The following FBN2 variants were observed in gnomAD, a reference collection of about 807,000 sequenced individuals.
FBN2 encodes fibrillin 2.
Under a neutral mutation model 355.6 loss-of-function variants are expected in FBN2, and 105 were observed. The ratio of observed to expected loss-of-function variants is 0.30; its 90% CI spans 0.25 to 0.35. The LOEUF is 0.35. Ranked by LOEUF, FBN2 falls within the 10% of genes least tolerant of loss-of-function variation. FBN2 has a pLI of 1.00. For synonymous variants in FBN2, 1,350 were observed against 1,301.2 expected (o/e 1.04, Z -0.81); for missense variants, 3,280 against 3,758.7 (o/e 0.87, Z 3.33).
intron 7 of FBN2, among the ~76,000 whole-genome samples, chr5:128,412,283 G>C (rs1753089472): frequency 6.6e-6 from 1 of 152,170 alleles, no homozygotes; most frequent in African/African-American, 2.4e-5. Flanking sequence ...ATTTTGACTT[G>C]AGCTGCCTTC....
chr5:128,276,003 A>G (rs1157257330), intron 59 of FBN2, 35 bp downstream of exon 59: 5 of 1,610,230 alleles, frequency 3.1e-6, no homozygotes, highest in Non-Finnish European at 4.2e-6. Flanking sequence ...AAAGATACAG[A>G]CTAGGGTCAC....
chr5:128,515,708 C>A (rs751796328), intron 5 of FBN2, among the ~76,000 whole-genome samples: 2 of 152,132 alleles, frequency 1.3e-5, no homozygotes, highest in African/African-American at 2.4e-5. Context: ...TTTAATTCCA[C>A]TGAAGATGCA....
At chr5:128,371,453 T>G (rs2126950452) in intron 15 of FBN2, among the ~76,000 whole-genome samples, 1 of 148,004 alleles carries the variant, frequency 6.8e-6, no homozygotes. Flanking sequence ...TCTTTCTCTT[T>G]TTCTCCTTCC....
chr5:128,393,426 G>A lies in FBN2; in HGVS notation c.1232-58C>T, dbSNP rs915308698. The A allele has an allele frequency of 3.9e-5, 57 of 1,452,480 alleles. No homozygotes were observed. In the African/African-American group the frequency reaches 6.5e-4, roughly 17 times the overall value. The allele number at this position is 1,452,480 out of a possible 1,614,324, so 90.0% of individuals were successfully genotyped here. ...GTGAATGTCTTTCTGCATAACAAAA[G>A]CCATTGGTACACTGTACTAAGTCAC... On this transcript the variant is annotated intron_variant, in intron 9 of 64. Transcript: ENST00000262464.
chr5:128,326,110 C>T (rs772977873), intron 34 of FBN2, among the ~76,000 whole-genome samples: 2 of 152,108 alleles, frequency 1.3e-5, no homozygotes, highest in African/African-American at 2.4e-5. Context: ...TGCATAGTTG[C>T]TACTGTTTTT....
chr5:128,365,071 A>T, intron 17 of FBN2: 2 of 230,226 alleles, frequency 8.7e-6, no homozygotes, highest in South Asian at 1.2e-4. Context: ...AGATATTGTA[A>T]TCATCTAACT....
intron 5 of FBN2, among the ~76,000 whole-genome samples, chr5:128,466,264 A>G (rs189473357): frequency 8.3e-4 from 127 of 152,326 alleles, no homozygotes; most frequent in Non-Finnish European, 1.5e-3. Context: ...GATTATGTCA[A>G]TACAGTTTAT....
chr5:128,524,802 C>T (rs1756520929), intron 4 of FBN2, among the ~76,000 whole-genome samples: 1 of 152,080 alleles, frequency 6.6e-6, no homozygotes, highest in Non-Finnish European at 1.5e-5. Flanking sequence ...TTTGCTTCCC[C>T]TATATGTTCT....
chr5:128,536,340 AG>A, intron 2 of FBN2, 61 bp downstream of exon 2: 2 of 1,284,800 alleles, frequency 1.6e-6, no homozygotes, highest in Non-Finnish European at 1.1e-6. Context: ...TGAGTGCAAG[AG>A]GTCGGCCGGA....
At chr5:128,424,067 T>C (rs2127020388) in intron 7 of FBN2, among the ~76,000 whole-genome samples, 1 of 152,184 alleles carries the variant, frequency 6.6e-6, no homozygotes, top group South Asian at 2.1e-4. Context: ...GGGGTGGGTG[T>C]AGTGGAGCTG....
At chr5:128,446,120 T>C (rs1581303467) in intron 7 of FBN2, 1 of 197,284 alleles carries the variant, frequency 5.1e-6, no homozygotes, top group Non-Finnish European at 1.0e-5. Flanking sequence ...CATTTACACA[T>C]GATACTGTAT....
At chr5:128,337,663 G>T (rs774032931) in intron 27 of FBN2, among the ~76,000 whole-genome samples, 30 of 152,186 alleles carry the variant, frequency 2.0e-4, no homozygotes, top group Non-Finnish European at 4.0e-4. Context: ...ATGGGAAGAC[G>T]CTGGGCAAAG....
intron 35 of FBN2, among the ~76,000 whole-genome samples, chr5:128,318,583 T>C (rs2126854150): frequency 6.6e-6 from 1 of 151,866 alleles, no homozygotes; most frequent in African/African-American, 2.4e-5. Context: ...TACATGTATA[T>C]ATATATATAC....
intron 46 of FBN2, among the ~76,000 whole-genome samples, chr5:128,302,099 T>C (rs1749735528): frequency 6.6e-6 from 1 of 152,196 alleles, no homozygotes; most frequent in Non-Finnish European, 1.5e-5. Flanking sequence ...TTGAATAAAA[T>C]GTCCAATTAG....
At chr5:128,339,887 C>T (rs1258353393) in intron 25 of FBN2, among the ~76,000 whole-genome samples, 1 of 152,070 alleles carries the variant, frequency 6.6e-6, no homozygotes, top group Non-Finnish European at 1.5e-5. Flanking sequence ...TGGTGTGTGC[C>T]CCAATTTGTG....
At chr5:128,271,807 C>CT (rs926087154) in intron 62 of FBN2, among the ~76,000 whole-genome samples, 192 bp downstream of exon 62, 8 of 151,544 alleles carry the variant, frequency 5.3e-5, no homozygotes, top group African/African-American at 1.7e-4. Flanking sequence ...TAAAAACAAA[C>CT]TTTTTTTTTA....
intron 31 of FBN2, among the ~76,000 whole-genome samples, chr5:128,334,062 T>C (rs1750766705): frequency 6.6e-6 from 1 of 151,946 alleles, no homozygotes; most frequent in South Asian, 2.1e-4. Context: ...ATCCAAAACC[T>C]TGACCCCGGC....
At chr5:128,356,295 T>C (rs1216879134) in intron 20 of FBN2, among the ~76,000 whole-genome samples, 2 of 152,328 alleles carry the variant, frequency 1.3e-5, no homozygotes, top group African/African-American at 2.4e-5. Flanking sequence ...AAGGTTTTCA[T>C]TGATAATTTT....
chr5:128,361,915 T>C (rs1360803766), intron 18 of FBN2, 67 bp from the exon 19 acceptor site: 3 of 1,472,644 alleles, frequency 2.0e-6, no homozygotes, highest in South Asian at 1.1e-5. Flanking sequence ...GGCAGCAATG[T>C]TTAATTTTGT....
Sources: allele counts gnomAD v4.1 joint callset (sites outside exome capture counted in the v4.1 genomes callset), GRCh38; gene constraint gnomAD v4.1.1; transcripts MANE v1.5; gene names NCBI Gene and HGNC (gene_info 2026-07-23, HGNC 2026-07-21).